FRMD3: variants seen among roughly 807,000 people sequenced by gnomAD.
FRMD3 encodes the protein FERM domain-containing protein 3.
In FRMD3, 33 loss-of-function variants were observed where a neutral mutation model predicts 70.2. That is an observed-to-expected ratio of 0.47 (90% CI 0.36 to 0.63). FRMD3 has a LOEUF of 0.63. Among genes scored for constraint, FRMD3 ranks in the 20% least tolerant of loss-of-function variants. FRMD3 has a pLI of 0.00. For synonymous variants in FRMD3, 279 were observed against 255.9 expected, an observed-to-expected ratio of 1.09 and a Z score of -0.86; for missense variants, 632 against 711.4, an observed-to-expected ratio of 0.89 and a Z score of 1.27.
chr9:83,389,649 C>T lies in FRMD3; in HGVS notation c.207G>A (p.Glu69=). The change falls in exon 2 of 14, where the codon GAG becomes GAA. Residue 69 remains glutamate (E), a synonymous_variant. Transcript: ENST00000304195. ...CATAGCGAATGCCAAAGTAGTCCTT[C>T]TCCAGCAGGCTGTAGTAGTTGCAGA... ...DHICNYYSLL[E]KDYFGIRYVD... 3 of 1,614,048 alleles carry T rather than the reference C, an allele frequency of 1.9e-6. No homozygotes were observed. The highest frequency in any genetic ancestry group is 2.2e-5 in the South Asian group (2 of 91,082).
At chr9:83,297,854 C>T (rs771914042) in intron 12 of FRMD3, 115 of 471,184 alleles carry the variant, frequency 2.4e-4, no homozygotes, top group Admixed American at 2.4e-3. Flanking sequence ...TTCTGCTCCC[C>T]GGTGTGGGAG....
rs1829933508 is a variant in FRMD3 at position 83,537,877 on chromosome 9, C to T, written c.147+208G>A. The stretch of plus-strand genomic sequence containing the variant: ...GGGGAAGGAGACTGGGCGCGGATAA[C>T]GCGTGCCTGGCGCTTGCAGGGCACC... On this transcript the variant is annotated intron_variant, in intron 1 of 13. Coordinates refer to ENST00000304195, the MANE Select transcript of FRMD3 (RefSeq NM_174938.6). This position sits in a 1 kb window ranked among gnomAD's most constrained non-coding sequence, Gnocchi z 4.1. Among the ~76,000 whole-genome samples the T allele has an allele frequency of 6.6e-6, 1 of 151,634 alleles. No individual in the cohort carries two copies. The highest frequency in any genetic ancestry group is 1.5e-5 in the Non-Finnish European group (1 of 67,896).
chr9:83,450,678 T>C (rs994717128), intron 1 of FRMD3, among the ~76,000 whole-genome samples: 3 of 152,160 alleles, frequency 2.0e-5, no homozygotes, highest in African/African-American at 7.2e-5. Flanking sequence ...TCCAGGAAGA[T>C]GGCAGGGCTG....
chr9:83,540,370 T>C (rs1203170442), upstream of FRMD3, among the ~76,000 whole-genome samples: 2 of 152,100 alleles, frequency 1.3e-5, no homozygotes, highest in African/African-American at 4.8e-5. Flanking sequence ...TTACCCCAAA[T>C]TCCAAGGAAG....
At chr9:83,392,748 G>A (rs1489600464) in intron 1 of FRMD3, among the ~76,000 whole-genome samples, 1 of 152,132 alleles carries the variant, frequency 6.6e-6, no homozygotes, top group Non-Finnish European at 1.5e-5. Flanking sequence ...TCCTGGTATT[G>A]GCAGTTCCAC....
At chr9:83,390,297 T>C (rs377389481) in intron 1 of FRMD3, among the ~76,000 whole-genome samples, 1 of 152,206 alleles carries the variant, frequency 6.6e-6, no homozygotes, top group Non-Finnish European at 1.5e-5. Context: ...TTTGACCCCC[T>C]GGAGCAATCA....
chr9:83,555,685 A>G, the FRMD3 span, among the ~76,000 whole-genome samples: 1 of 152,176 alleles, frequency 6.6e-6, no homozygotes, highest in African/African-American at 2.4e-5. Context: ...ATGGGTAGGT[A>G]CAGGAATCTA....
Position 83,245,015 on chromosome 9 carries a change from ACT to A in FRMD3, c.*2901_*2902del. The A allele has an allele frequency of 2.0e-6, 2 of 984,554 alleles. No homozygotes were observed. The highest frequency in any genetic ancestry group is 6.1e-5 in the Admixed American group (1 of 16,272). 61.0% of individuals were successfully genotyped at this position (984,554 alleles called of 1,614,324 possible). ...TATTTATTTATATCCACAAATGTACACTCAGTGGCATTTATGGAAAATTTAAC... is the reference window on the plus strand; with the variant it reads ...TATTTATTTATATCCACAAATGTACACAGTGGCATTTATGGAAAATTTAAC... On this transcript the variant is annotated 3_prime_UTR_variant, in exon 14 of 14. Coordinates refer to ENST00000304195, the MANE Select transcript of FRMD3 (RefSeq NM_174938.6).
chr9:83,371,845 G>C (rs1279955312), intron 3 of FRMD3, among the ~76,000 whole-genome samples: 2 of 152,222 alleles, frequency 1.3e-5, no homozygotes, highest in African/African-American at 4.8e-5. Context: ...CCAAGGGAAG[G>C]AGGAATGGGA....
rs912709641 is a variant in FRMD3 at position 83,343,209 on chromosome 9, C to T, written c.453G>A (p.Leu151=). The change falls in exon 5 of 14, where the codon CTG becomes CTA. Residue 151 remains leucine (L), a synonymous_variant. Transcript: ENST00000304195. Reference sequence around the variant, plus strand: ...ACTTACCTTGAACAATACAGGCACCCAGGTAGGCAGCATCAGAAAAGGAGC... The same window carrying T: ...ACTTACCTTGAACAATACAGGCACCTAGGTAGGCAGCATCAGAAAAGGAGC... ...LLCSFSDAAY[L]GACIVQAELG... is the part of the protein sequence containing the mutation. 1.9e-6 allele frequency: 3 copies of T among 1,613,478 alleles called. No individual in the cohort carries two copies. The highest frequency in any genetic ancestry group is 1.3e-5 in the African/African-American group (1 of 74,994).
intron 2 of FRMD3, among the ~76,000 whole-genome samples, chr9:83,386,465 C>G (rs1825513811): frequency 6.6e-6 from 1 of 152,080 alleles, no homozygotes; most frequent in Non-Finnish European, 1.5e-5. Context: ...TAAATAGAGT[C>G]AAAATATAAA....
chr9:83,350,623 C>CAAAAAAAAAAAAAAAAAAAA (rs761012697), intron 3 of FRMD3: 2 of 199,256 alleles, frequency 1.0e-5, no homozygotes, highest in Admixed American at 1.6e-4. Flanking sequence ...AACTCCATCT[C>CAAAAAAAAAAAAAAAAAAAA]AAAAAAAAAA....
chr9:83,276,658 A>G (rs1587666275), intron 13 of FRMD3: 1 of 152,248 alleles, frequency 6.6e-6, no homozygotes, highest in Non-Finnish European at 1.5e-5. Flanking sequence ...AATGGTCGCT[A>G]CATGCAAAAC....
intron 1 of FRMD3, among the ~76,000 whole-genome samples, chr9:83,444,225 G>A (rs1200874149): frequency 6.6e-6 from 1 of 152,194 alleles, no homozygotes; most frequent in Non-Finnish European, 1.5e-5. Flanking sequence ...GGAGATGCGG[G>A]CTAGACCTGG....
rs370850436 is a variant in FRMD3, at chr9:83,489,386, T to C, written c.147+48699A>G. Among the ~76,000 whole-genome samples the C allele has an allele frequency of 8.6e-5, 13 of 152,028 alleles. No homozygotes were observed. In the East Asian group the frequency reaches 9.7e-4, roughly 11 times the overall value. ...ACAAAGACCTAATATCTGGAATCTATGAGGAACTTAAACAATTCAACAAGC... is the reference window on the plus strand; with the variant it reads ...ACAAAGACCTAATATCTGGAATCTACGAGGAACTTAAACAATTCAACAAGC... On this transcript the variant is annotated intron_variant, in intron 1 of 13. Transcript: ENST00000304195.
chr9:83,367,389 C>T (rs1824824134), intron 3 of FRMD3, among the ~76,000 whole-genome samples: 1 of 152,058 alleles, frequency 6.6e-6, no homozygotes, highest in African/African-American at 2.4e-5. Context: ...TGCAACCCAC[C>T]CCATCTCTTT....
intron 13 of FRMD3, among the ~76,000 whole-genome samples, chr9:83,286,710 A>C (rs1268596164): frequency 6.6e-6 from 1 of 152,186 alleles, no homozygotes; most frequent in African/African-American, 2.4e-5. Context: ...ATGTGATTTG[A>C]AACCCCCAGA....
intron 1 of FRMD3, among the ~76,000 whole-genome samples, chr9:83,504,808 C>A (rs775141297): frequency 5.3e-5 from 8 of 152,192 alleles, no homozygotes; most frequent in South Asian, 4.1e-4. Flanking sequence ...CCTCTCCCTA[C>A]TAGAATATAA....
upstream of FRMD3, among the ~76,000 whole-genome samples, chr9:83,541,651 A>G (rs1223780869): frequency 6.6e-6 from 1 of 152,208 alleles, no homozygotes; most frequent in African/African-American, 2.4e-5. Context: ...CTTAAATGGG[A>G]AGGATGAGAG....
Sources: allele counts gnomAD v4.1 joint callset (sites outside exome capture counted in the v4.1 genomes callset), GRCh38; gene constraint gnomAD v4.1.1; non-coding constraint Gnocchi (gnomAD v3.1); transcripts MANE v1.5; gene names NCBI Gene and HGNC (gene_info 2026-07-23, HGNC 2026-07-21).